Variants in AK9 observed in about 807,000 individuals in gnomAD.
AK9 encodes the protein adenylate kinase 9.
A neutral mutation model predicts 239.6 loss-of-function variants in AK9; 191 were observed. That is an observed-to-expected ratio of 0.80 (90% CI 0.71 to 0.90). The LOEUF (loss-of-function observed/expected upper bound fraction) is 0.90. AK9 is among the 40% of genes least tolerant of loss of function. The probability of loss-of-function intolerance (pLI) is 0.00; values close to 1 mark genes in which losing one functional copy is unlikely to be tolerated. For missense variants in AK9, 1,995 were observed against 2,214.7 expected, an observed-to-expected ratio of 0.90 and a Z score of 1.99; for synonymous variants, 689 against 721.0, an observed-to-expected ratio of 0.96 and a Z score of 0.71.
intron 17 of AK9, among the ~76,000 whole-genome samples, chr6:109,598,189 C>T (rs760409408): frequency 5.3e-5 from 8 of 151,988 alleles, no homozygotes; most frequent in Non-Finnish European, 1.2e-4. Context: ...TCGTCATTTA[C>T]ATTAGGTATA....
chr6:109,597,680 A>T (rs11969820), intron 17 of AK9, among the ~76,000 whole-genome samples: 159 of 151,282 alleles, frequency 1.1e-3, no homozygotes, highest in African/African-American at 3.1e-3. Context: ...CTCAAAAAAA[A>T]TTTTTTTTTA....
intron 21 of AK9, among the ~76,000 whole-genome samples, chr6:109,571,143 C>T (rs546717334): frequency 1.3e-4 from 20 of 152,052 alleles, no homozygotes; most frequent in African/African-American, 4.6e-4. Context: ...AAGATGTAGA[C>T]CAGATGACTA....
At chr6:109,610,676 T>C (rs1361958621) in intron 16 of AK9, among the ~76,000 whole-genome samples, 163 bp from the exon 17 acceptor site, 1 of 151,952 alleles carries the variant, frequency 6.6e-6, no homozygotes, top group African/African-American at 2.4e-5. Flanking sequence ...GGAGAGGAAA[T>C]GTTAGGTCAG....
At position 109,589,811 on chromosome 6, in the gene AK9, A is replaced by G. The variant is rs375159330; in HGVS notation, c.1843-3739T>C. Among the ~76,000 whole-genome samples the G allele has an allele frequency of 2.8e-4, 43 of 152,192 alleles. No individual in the cohort carries two copies. In the South Asian group the frequency reaches 8.9e-3, roughly 32 times the overall value. ...TTTATTGAATGCTCTTCCTTCATCT[A>G]TTGATGTTATCACATAGTTTTTTGT... On this transcript the variant is annotated intron_variant, in intron 17 of 40. Coordinates refer to ENST00000424296, the MANE Select transcript of AK9 (RefSeq NM_001145128.3).
intron 1 of AK9, 124 bp downstream of exon 1, chr6:109,691,023 A>C (rs1583608991): frequency 3.8e-6 from 1 of 264,540 alleles, no homozygotes; most frequent in East Asian, 8.7e-5. Context: ...AACTCGGAGA[A>C]CCCTTTTCAA....
At chr6:109,496,546 G>C (rs2115395596) in intron 38 of AK9, among the ~76,000 whole-genome samples, 1 of 152,126 alleles carries the variant, frequency 6.6e-6, no homozygotes, top group Middle Eastern at 3.4e-3. Flanking sequence ...CTTGACCTCT[G>C]AGGAGCATTT....
At chr6:109,687,712 T>C (rs967418042) in intron 1 of AK9, among the ~76,000 whole-genome samples, 2 of 152,158 alleles carry the variant, frequency 1.3e-5, no homozygotes, top group Admixed American at 1.3e-4. Flanking sequence ...CAACACCAGA[T>C]TGCAGCCTTG....
At chr6:109,571,313 T>C (rs1043033934) in intron 21 of AK9, among the ~76,000 whole-genome samples, 4 of 152,144 alleles carry the variant, frequency 2.6e-5, no homozygotes, top group Non-Finnish European at 5.9e-5. Flanking sequence ...CATTCAACAA[T>C]GTGGAGAAGT....
chr6:109,601,677 G>A (rs1038881285), intron 17 of AK9, among the ~76,000 whole-genome samples: 3 of 151,974 alleles, frequency 2.0e-5, no homozygotes, highest in Admixed American at 1.3e-4. Context: ...TTGATAGTGG[G>A]GTGTTAAAGT....
intron 23 of AK9, 65 bp from the exon 24 acceptor site, chr6:109,563,777 T>C (rs1338651290): frequency 4.8e-6 from 7 of 1,446,562 alleles, no homozygotes; most frequent in South Asian, 1.3e-5. Context: ...CATATTACTA[T>C]AGTCAAATGT....
intron 12 of AK9, among the ~76,000 whole-genome samples, chr6:109,626,612 G>A (rs980722352): frequency 5.3e-5 from 8 of 152,202 alleles, no homozygotes; most frequent in Non-Finnish European, 8.8e-5. Context: ...TAAACACCTA[G>A]GGTATATGGT....
chr6:109,592,179 A>G (rs1163128270), intron 17 of AK9, among the ~76,000 whole-genome samples: 1 of 151,826 alleles, frequency 6.6e-6, no homozygotes, highest in African/African-American at 2.4e-5. Flanking sequence ...AAATGGAAAT[A>G]CCACTACTAA....
chr6:109,531,215 A>G (rs1244013565), intron 28 of AK9, among the ~76,000 whole-genome samples: 1 of 152,142 alleles, frequency 6.6e-6, no homozygotes, highest in Non-Finnish European at 1.5e-5. Flanking sequence ...ATCAAAATGG[A>G]GTTTTAGGAA....
At chr6:109,645,124 C>T (rs1797880833) in intron 8 of AK9, among the ~76,000 whole-genome samples, 1 of 152,208 alleles carries the variant, frequency 6.6e-6, no homozygotes, top group Non-Finnish European at 1.5e-5. Context: ...TTCCGGTCTA[C>T]AGCTCCCAGC....
intron 29 of AK9, among the ~76,000 whole-genome samples, chr6:109,520,333 T>C (rs1779705768): frequency 6.6e-6 from 1 of 152,214 alleles, no homozygotes; most frequent in Non-Finnish European, 1.5e-5. Context: ...CTTCTGCATA[T>C]GAATAGCCAG....
chr6:109,663,777 A>G (rs979938388), intron 5 of AK9, among the ~76,000 whole-genome samples: 3 of 152,222 alleles, frequency 2.0e-5, no homozygotes, highest in African/African-American at 7.2e-5. Flanking sequence ...CCAAGTTTTG[A>G]AAAGTTCACT....
chr6:109,649,721 T>G (rs1451921105), intron 8 of AK9, among the ~76,000 whole-genome samples: 2 of 152,098 alleles, frequency 1.3e-5, no homozygotes, highest in Non-Finnish European at 2.9e-5. Context: ...CTTCACAGAA[T>G]TGGAAAAAAC....
intron 17 of AK9, among the ~76,000 whole-genome samples, chr6:109,603,756 C>G (rs148618657): frequency 0.047 from 7,194 of 152,264 alleles, 557 homozygotes; most frequent in African/African-American, 0.16. Context: ...TTTACCTACT[C>G]AAGCCTCAGC....
At chr6:109,659,516 C>T in intron 6 of AK9, 103 bp from the exon 7 acceptor site, 2 of 1,362,080 alleles carry the variant, frequency 1.5e-6, no homozygotes, top group Non-Finnish European at 1.9e-6. Context: ...CAAAAAATTC[C>T]TTTAAAACCT....
Sources: gnomAD v4.1 joint callset for allele counts (sites outside exome capture counted in the v4.1 genomes callset) on GRCh38, gnomAD v4.1.1 for gene constraint, MANE v1.5 for transcripts, NCBI Gene and HGNC (gene_info 2026-07-23, HGNC 2026-07-21) for gene names.